KCNK13: variants seen among roughly 807,000 people sequenced by gnomAD.
The protein encoded by KCNK13 is potassium two pore domain channel subfamily K member 13, also known as potassium channel subfamily K member 13.
KCNK13 carries 12 observed loss-of-function variants against 23.4 expected under a neutral mutation model. That is an observed-to-expected ratio of 0.51 (90% CI 0.33 to 0.83). The LOEUF is 0.83. KCNK13 is among the 40% of genes least tolerant of loss of function. The pLI is 0.02. For synonymous variants in KCNK13, 231 were observed against 229.5 expected (o/e 1.01, Z -0.06); for missense variants, 463 against 556.3 (o/e 0.83, Z 1.69).
At chr14:90,169,742 C>T (rs1890343313) in intron 1 of KCNK13, among the ~76,000 whole-genome samples, 2 of 152,190 alleles carry the variant, frequency 1.3e-5, no homozygotes, top group African/African-American at 2.4e-5. Flanking sequence ...GAGGTACTTA[C>T]TTGTCCCGGT....
chr14:90,126,840 G>A (rs768739266), intron 1 of KCNK13, among the ~76,000 whole-genome samples: 29 of 152,042 alleles, frequency 1.9e-4, no homozygotes, highest in Non-Finnish European at 7.4e-5. Flanking sequence ...ACGGTGCCCC[G>A]CCTCCAGTCT....
chr14:90,079,785 A>G (rs1889185405), intron 1 of KCNK13, among the ~76,000 whole-genome samples: 1 of 152,204 alleles, frequency 6.6e-6, no homozygotes, highest in Non-Finnish European at 1.5e-5. Context: ...AGAAAGAAAA[A>G]GATCCTGGCT....
At chr14:90,069,155 G>C (rs1242413308) in intron 1 of KCNK13, among the ~76,000 whole-genome samples, 2 of 146,806 alleles carry the variant, frequency 1.4e-5, no homozygotes, top group South Asian at 2.2e-4. Context: ...TCTTGCCTCA[G>C]CCTCCTGAGT....
chr14:90,138,386 A>G (rs74082627), intron 1 of KCNK13, among the ~76,000 whole-genome samples: 24,670 of 152,204 alleles, frequency 0.16, 2,291 homozygotes, highest in South Asian at 0.29. Context: ...TATTACTTAC[A>G]GAATTCTGTA....
intron 1 of KCNK13, among the ~76,000 whole-genome samples, chr14:90,142,667 C>A (rs1273682564): frequency 6.6e-6 from 1 of 152,178 alleles, no homozygotes; most frequent in Non-Finnish European, 1.5e-5. Context: ...TGTTTCATTT[C>A]CAAGTGAATT....
At chr14:90,140,172 C>G (rs1313197979) in intron 1 of KCNK13, among the ~76,000 whole-genome samples, 1 of 151,882 alleles carries the variant, frequency 6.6e-6, no homozygotes, top group Non-Finnish European at 1.5e-5. Flanking sequence ...CTTTGGGGTT[C>G]GATGTTGGAG....
intron 1 of KCNK13, among the ~76,000 whole-genome samples, chr14:90,123,903 C>T (rs1889767211): frequency 1.3e-5 from 2 of 152,172 alleles, no homozygotes; most frequent in Admixed American, 1.3e-4. Context: ...TTTCAAATCA[C>T]CTGGGCGGTT....
chr14:90,098,392 C>T (rs908170744), intron 1 of KCNK13, among the ~76,000 whole-genome samples: 1 of 152,130 alleles, frequency 6.6e-6, no homozygotes, highest in Admixed American at 6.6e-5. Context: ...AAGCACATGA[C>T]CACCTAGGCT....
rs10142226 is a variant in KCNK13 at position 90,144,574 on chromosome 14, G to T, written c.335-39537G>T. Among the ~76,000 whole-genome samples the T allele has an allele frequency of 3.6e-3, 485 of 133,592 alleles. 4 individuals carry two copies. The highest frequency in any genetic ancestry group is 0.013 in the African/African-American group (465 of 35,270). 87.6% of individuals were successfully genotyped at this position (133,592 alleles called of 152,430 possible). On this transcript the variant is annotated intron_variant, in intron 1 of 1. Coordinates refer to ENST00000282146, the MANE Select transcript of KCNK13 (RefSeq NM_022054.4). ...TGTAGTGGGACAATCTCAGCTCATTGCAACCTCTGCCTCCCAGGTTCAAGC... is the reference window on the plus strand; with the variant it reads ...TGTAGTGGGACAATCTCAGCTCATTTCAACCTCTGCCTCCCAGGTTCAAGC...
chr14:90,149,948 A>G (rs1358065054), intron 1 of KCNK13, among the ~76,000 whole-genome samples: 1 of 152,138 alleles, frequency 6.6e-6, no homozygotes, highest in East Asian at 1.9e-4. Flanking sequence ...CAAGTAATCC[A>G]CAGCCCTCCA....
intron 1 of KCNK13, among the ~76,000 whole-genome samples, chr14:90,162,737 T>G (rs1236416253): frequency 6.6e-6 from 1 of 152,194 alleles, no homozygotes; most frequent in Non-Finnish European, 1.5e-5. Context: ...TTACTCTCTG[T>G]GACCCCAAAA....
intron 1 of KCNK13, among the ~76,000 whole-genome samples, chr14:90,179,789 TG>T (rs2140448650): frequency 6.6e-6 from 1 of 152,334 alleles, no homozygotes; most frequent in Admixed American, 6.5e-5. Context: ...CTGAAATGCA[TG>T]GGGCATAACA....
chr14:90,105,855 T>G (rs1238325032), intron 1 of KCNK13, among the ~76,000 whole-genome samples: 1 of 152,196 alleles, frequency 6.6e-6, no homozygotes, highest in Non-Finnish European at 1.5e-5. Context: ...TGCTTCCTAG[T>G]AAGACGGCAT....
intron 1 of KCNK13, among the ~76,000 whole-genome samples, chr14:90,148,762 G>A (rs1890102157): frequency 6.6e-6 from 1 of 152,200 alleles, no homozygotes; most frequent in Non-Finnish European, 1.5e-5. Context: ...AGAACTTTAG[G>A]AAAGAATGTA....
chr14:90,117,300 A>G (rs1449095678), intron 1 of KCNK13, among the ~76,000 whole-genome samples: 3 of 152,120 alleles, frequency 2.0e-5, no homozygotes, highest in Non-Finnish European at 4.4e-5. Context: ...TTTAAAACTT[A>G]GGAATTGGGC....
chr14:90,145,311 T>C (rs1289000717), intron 1 of KCNK13, among the ~76,000 whole-genome samples: 1 of 152,012 alleles, frequency 6.6e-6, no homozygotes, highest in Non-Finnish European at 1.5e-5. Flanking sequence ...GAGGATCACC[T>C]GAGCCCAGGA....
At chr14:90,115,507 A>G (rs1889665918) in intron 1 of KCNK13, among the ~76,000 whole-genome samples, 1 of 152,192 alleles carries the variant, frequency 6.6e-6, no homozygotes, top group South Asian at 2.1e-4. Flanking sequence ...CTTGTGTTTT[A>G]TAAACTCCAC....
At chr14:90,148,497 G>GCTTCTC (rs1890098886) in intron 1 of KCNK13, among the ~76,000 whole-genome samples, 3 of 152,230 alleles carry the variant, frequency 2.0e-5, no homozygotes, top group African/African-American at 7.2e-5. Context: ...GCCAGGAGAA[G>GCTTCTC]CTGAGCAAGG....
intron 1 of KCNK13, among the ~76,000 whole-genome samples, chr14:90,093,414 T>C (rs116646275): frequency 0.01 from 1,575 of 152,336 alleles, 24 homozygotes; most frequent in African/African-American, 0.036. Context: ...CCATTTCCAC[T>C]TGATTTTATT....
Sources: allele counts gnomAD v4.1 joint callset (sites outside exome capture counted in the v4.1 genomes callset), GRCh38; gene constraint gnomAD v4.1.1; transcripts MANE v1.5; gene names NCBI Gene and HGNC (gene_info 2026-07-23, HGNC 2026-07-21).